The following ART3 variants were observed in gnomAD, a reference collection of about 807,000 sequenced individuals.
ART3 encodes ADP-ribosyltransferase 3 (inactive).
ART3 carries 49 observed loss-of-function variants against 48.5 expected under a neutral mutation model. That is an observed-to-expected ratio of 1.01 (90% CI 0.80 to 1.28). The LOEUF is 1.28. Among genes scored for constraint, ART3 ranks in the 50% most tolerant of loss-of-function variants. ART3 has a pLI of 0.00. For missense variants in ART3, 438 were observed against 454.3 expected (o/e 0.96, Z 0.33); for synonymous variants, 145 against 157.2 (o/e 0.92, Z 0.58).
intron 2 of ART3, among the ~76,000 whole-genome samples, chr4:76,079,711 G>T (rs953646663): frequency 1.3e-5 from 2 of 152,100 alleles, no homozygotes; most frequent in Non-Finnish European, 2.9e-5. Context: ...AAGCCATAAT[G>T]GGGAGGGTTG....
intron 3 of ART3, among the ~76,000 whole-genome samples, chr4:76,089,237 C>T (rs576442467): frequency 2.0e-5 from 3 of 152,100 alleles, no homozygotes; most frequent in South Asian, 2.1e-4. Flanking sequence ...TTGCTTTTTG[C>T]GACAACAATT....
intron 3 of ART3, among the ~76,000 whole-genome samples, chr4:76,087,400 C>A (rs1578499239): frequency 6.6e-6 from 1 of 152,270 alleles, no homozygotes; most frequent in East Asian, 1.9e-4. Flanking sequence ...GGATCAAAAA[C>A]TCCCTGGAGT....
intron 1 of ART3, among the ~76,000 whole-genome samples, chr4:76,025,754 G>A (rs1022120916): frequency 2.6e-5 from 4 of 152,110 alleles, no homozygotes; most frequent in African/African-American, 4.8e-5. Context: ...CTTTATTGAT[G>A]GGTAGTAATC....
chr4:76,035,977 T>A (rs1440257563), intron 1 of ART3: 7 of 1,613,810 alleles, frequency 4.3e-6, no homozygotes, highest in African/African-American at 4.0e-5. Context: ...AGCCATGCCC[T>A]TCACACTCAT....
chr4:76,076,285 T>C (rs755872326), intron 2 of ART3, among the ~76,000 whole-genome samples: 5 of 152,096 alleles, frequency 3.3e-5, no homozygotes, highest in African/African-American at 4.8e-5. Flanking sequence ...ATTACAGGCG[T>C]GAGCCACCGC....
At chr4:76,098,775 G>T (rs1042222733) in intron 4 of ART3, among the ~76,000 whole-genome samples, 180 bp from the exon 5 acceptor site, 10 of 151,930 alleles carry the variant, frequency 6.6e-5, no homozygotes, top group African/African-American at 2.4e-4. Flanking sequence ...AAATAAAAGT[G>T]AATTCACATC....
intron 1 of ART3, chr4:76,035,915 A>G (rs1560586744): frequency 1.2e-6 from 2 of 1,610,602 alleles, no homozygotes; most frequent in African/African-American, 1.3e-5. Context: ...AGAAATAAAA[A>G]TTACTGCATA....
chr4:76,025,105 G>A (rs1415311095), intron 1 of ART3, among the ~76,000 whole-genome samples: 1 of 152,206 alleles, frequency 6.6e-6, no homozygotes, highest in African/African-American at 2.4e-5. Flanking sequence ...AAAAGAGAGG[G>A]AGGTGAGGTA....
At chr4:76,073,740 C>T (rs1203212972), upstream of ART3, among the ~76,000 whole-genome samples, 1 of 152,200 alleles carries the variant, frequency 6.6e-6, no homozygotes, top group African/African-American at 2.4e-5. Context: ...ACTATTCTGA[C>T]TTCTCATGCC....
intron 3 of ART3, among the ~76,000 whole-genome samples, chr4:76,091,798 C>T (rs893537533): frequency 3.3e-5 from 5 of 151,520 alleles, no homozygotes; most frequent in Admixed American, 2.6e-4. Flanking sequence ...TCTCCTGCCT[C>T]AGTCTCCCAA....
chr4:76,070,074 A>G (rs1720157713), upstream of ART3, among the ~76,000 whole-genome samples: 1 of 152,162 alleles, frequency 6.6e-6, no homozygotes, highest in Admixed American at 6.5e-5. Context: ...CCAGTTGATG[A>G]CATTTGGGTT....
At chr4:76,037,807 T>C (rs1006995984) in intron 1 of ART3, among the ~76,000 whole-genome samples, 8 of 152,330 alleles carry the variant, frequency 5.3e-5, no homozygotes, top group African/African-American at 1.4e-4. Flanking sequence ...CTTTCAAGAA[T>C]TTTCTCCTAT....
chr4:76,074,240 A>T (rs1347167874), upstream of ART3, among the ~76,000 whole-genome samples: 4 of 152,130 alleles, frequency 2.6e-5, no homozygotes, highest in Non-Finnish European at 5.9e-5. Context: ...ATGCGTATTC[A>T]TGTTTTTTAT....
chr4:76,098,360 G>A (rs546492305), intron 4 of ART3, among the ~76,000 whole-genome samples: 1 of 152,254 alleles, frequency 6.6e-6, no homozygotes, highest in African/African-American at 2.4e-5. Context: ...TGCTCTGGGT[G>A]GATCCTTTTG....
At chr4:76,023,392 G>A (rs778072445) in intron 1 of ART3, 12 of 1,613,910 alleles carry the variant, frequency 7.4e-6, no homozygotes, top group Non-Finnish European at 1.0e-5. Flanking sequence ...CTTAGAGTCA[G>A]AAAGATAAGG....
chr4:76,016,989 G>A (rs1732325717), intron 1 of ART3, among the ~76,000 whole-genome samples: 1 of 152,012 alleles, frequency 6.6e-6, no homozygotes, highest in Non-Finnish European at 1.5e-5. Context: ...CTCCCCTCTG[G>A]GCCAGGGCAG....
At chr4:76,027,270 A>G (rs1487110746) in intron 1 of ART3, among the ~76,000 whole-genome samples, 6 of 152,200 alleles carry the variant, frequency 3.9e-5, no homozygotes, top group Non-Finnish European at 7.3e-5. Context: ...AAGAAAAGAA[A>G]AAAAGAAACT....
At chr4:76,106,377 G>T (rs1442979114) in intron 10 of ART3, 3 of 984,524 alleles carry the variant, frequency 3.0e-6, no homozygotes, top group African/African-American at 1.7e-5. Flanking sequence ...AACACGAAAA[G>T]GTGGCTTGCC....
At chr4:76,052,204 A>C (rs535599947) in intron 1 of ART3, among the ~76,000 whole-genome samples, 1 of 152,228 alleles carries the variant, frequency 6.6e-6, no homozygotes, top group East Asian at 1.9e-4. Context: ...AATATGCTTT[A>C]TCTCTTTCTG....
Sources: gnomAD v4.1 joint callset for allele counts (sites outside exome capture counted in the v4.1 genomes callset) on GRCh38, gnomAD v4.1.1 for gene constraint, MANE v1.5 for transcripts, NCBI Gene and HGNC (gene_info 2026-07-23, HGNC 2026-07-21) for gene names.